The following CDC42BPB variants were observed in gnomAD, a reference collection of about 807,000 sequenced individuals.
The protein encoded by CDC42BPB is CDC42 binding protein kinase beta.
A neutral mutation model predicts 214.9 loss-of-function variants in CDC42BPB; 37 were observed. The observed-to-expected ratio is 0.17, with a 90% CI of 0.13 to 0.23. CDC42BPB has a LOEUF of 0.23. Ranked by LOEUF, CDC42BPB falls within the 10% of genes least tolerant of loss-of-function variation. The probability of loss-of-function intolerance (pLI) is 1.00; values close to 1 mark genes in which losing one functional copy is unlikely to be tolerated. For missense variants in CDC42BPB, 1,694 were observed against 2,227.0 expected (o/e 0.76, Z 4.82); for synonymous variants, 931 against 884.0 (o/e 1.05, Z -0.94).
chr14:103,021,962 G>A (rs1293341602), intron 1 of CDC42BPB, among the ~76,000 whole-genome samples: 1 of 152,188 alleles, frequency 6.6e-6, no homozygotes, highest in Non-Finnish European at 1.5e-5. Flanking sequence ...TTGCCTGCAT[G>A]GGAAGGCTGA....
At chr14:102,951,651 T>A (rs34149371) in intron 24 of CDC42BPB, among the ~76,000 whole-genome samples, 1 of 152,170 alleles carries the variant, frequency 6.6e-6, no homozygotes, top group East Asian at 1.9e-4. Context: ...TAGCCAGGCA[T>A]GGTGGCGTGG....
chr14:102,981,871 T>C (rs953976327), intron 7 of CDC42BPB, among the ~76,000 whole-genome samples: 1 of 152,142 alleles, frequency 6.6e-6, no homozygotes, highest in Non-Finnish European at 1.5e-5. Flanking sequence ...ACTGTTGATA[T>C]GTAACATGAT....
chr14:103,027,251 T>C (rs1310075668), intron 1 of CDC42BPB, among the ~76,000 whole-genome samples: 1 of 152,232 alleles, frequency 6.6e-6, no homozygotes, highest in Non-Finnish European at 1.5e-5. Flanking sequence ...TGTAAAATGA[T>C]GTAGCCTGGC....
intron 1 of CDC42BPB, among the ~76,000 whole-genome samples, chr14:103,020,576 T>G (rs1824351714): frequency 6.6e-6 from 1 of 152,168 alleles, no homozygotes; most frequent in Non-Finnish European, 1.5e-5. Flanking sequence ...GCGCTATGCA[T>G]CCGGACCTCC....
chr14:102,953,053 G>A (rs1001752479), intron 23 of CDC42BPB, among the ~76,000 whole-genome samples: 5 of 152,240 alleles, frequency 3.3e-5, no homozygotes, highest in Non-Finnish European at 5.9e-5. Flanking sequence ...AACAGCAAAC[G>A]CCTGGAAAGG....
chr14:103,002,439 C>CA (rs1462112182), intron 4 of CDC42BPB, among the ~76,000 whole-genome samples: 26 of 152,220 alleles, frequency 1.7e-4, no homozygotes, highest in African/African-American at 5.5e-4. Flanking sequence ...CAGATGGCAG[C>CA]ACGCTATGCT....
intron 12 of CDC42BPB, among the ~76,000 whole-genome samples, chr14:102,973,400 A>G (rs1466310572): frequency 6.6e-6 from 1 of 152,272 alleles, no homozygotes; most frequent in East Asian, 1.9e-4. Flanking sequence ...TGTTAGTAAC[A>G]TGCTGACACC....
intron 21 of CDC42BPB, among the ~76,000 whole-genome samples, chr14:102,958,093 C>G (rs1277339600): frequency 6.6e-6 from 1 of 152,192 alleles, no homozygotes; most frequent in Non-Finnish European, 1.5e-5. Context: ...AGACTAAATG[C>G]GATTCATGAC....
At chr14:102,934,141 A>C in intron 36 of CDC42BPB, 1 of 646,972 alleles carries the variant, frequency 1.5e-6, no homozygotes, top group African/African-American at 2.0e-5. Context: ...TCCTGCCTGT[A>C]ATCCCAGCAC....
intron 1 of CDC42BPB, among the ~76,000 whole-genome samples, chr14:103,049,004 T>C (rs771682539): frequency 3.9e-5 from 6 of 152,206 alleles, no homozygotes; most frequent in African/African-American, 7.2e-5. Context: ...GACAGTTACC[T>C]AACAATAAGA....
chr14:103,034,568 C>CT lies in CDC42BPB; in HGVS notation c.176-22381dup, dbSNP rs534081589. Among the ~76,000 whole-genome samples the CT allele has an allele frequency of 1.6e-4, 25 of 152,248 alleles. 1 individual carries two copies. In the Middle Eastern group the frequency reaches 0.01, roughly 62 times the overall value. On this transcript the variant is annotated intron_variant, in intron 1 of 36. Coordinates refer to ENST00000361246, the MANE Select transcript of CDC42BPB (RefSeq NM_006035.4). ...GTGGCTCATGCCTGCAATCCCAACACTTTGGGAGGCTGAGGCAGGTGGCTC... is the reference window on the plus strand; with the variant it reads ...GTGGCTCATGCCTGCAATCCCAACACTTTTGGGAGGCTGAGGCAGGTGGCTC...
At chr14:102,990,309 G>A (rs940410081) in intron 5 of CDC42BPB, among the ~76,000 whole-genome samples, 1 of 152,210 alleles carries the variant, frequency 6.6e-6, no homozygotes. Flanking sequence ...AATTACTGCA[G>A]GTGAGGGGTG....
Position 102,974,071 on chromosome 14 carries a change from C to A in CDC42BPB, c.1586G>T (p.Arg529Leu). 1.2e-6 allele frequency: 2 copies of A among 1,613,922 alleles called. No individual in the cohort carries two copies. The highest frequency in any genetic ancestry group is 1.7e-6 in the Non-Finnish European group (2 of 1,179,890). Residue 529 changes from arginine to leucine, a missense_variant, in exon 12 of 37, where the codon CGG (arginine) becomes CTG (leucine). Coordinates refer to ENST00000361246, the MANE Select transcript of CDC42BPB (RefSeq NM_006035.4). ...CACGCGGTGCTGCTTCTCCAGCCCCCGCAGCCGCTGCGTGGAGTCCTCACG... is the reference window on the plus strand; with the variant it reads ...CACGCGGTGCTGCTTCTCCAGCCCCAGCAGCCGCTGCGTGGAGTCCTCACG... ...QEREDSTQRL[R>L]GLEKQHRVVR...
At chr14:103,043,779 T>C (rs1888139333) in intron 1 of CDC42BPB, among the ~76,000 whole-genome samples, 1 of 152,106 alleles carries the variant, frequency 6.6e-6, no homozygotes, top group African/African-American at 2.4e-5. Flanking sequence ...AACTTAAATT[T>C]CTCTATATTG....
At chr14:102,972,790 G>T (rs1488753391) in intron 12 of CDC42BPB, among the ~76,000 whole-genome samples, 1 of 142,510 alleles carries the variant, frequency 7.0e-6, no homozygotes, top group East Asian at 2.2e-4. Flanking sequence ...AGGACGCTCC[G>T]TAATGTCAGC....
intron 1 of CDC42BPB, among the ~76,000 whole-genome samples, chr14:103,053,536 CAG>C (rs1888739955): frequency 5.3e-5 from 8 of 151,480 alleles, no homozygotes; most frequent in Admixed American, 2.0e-4. Context: ...CCAAGGGGGG[CAG>C]ATCACGAGGT....
At chr14:102,981,302 G>A (rs573392362) in intron 7 of CDC42BPB, 5 of 524,662 alleles carry the variant, frequency 9.5e-6, no homozygotes, top group African/African-American at 4.1e-5. Flanking sequence ...CATGCCGTGC[G>A]CGGGAAGAGG....
At chr14:102,986,153 G>A (rs1437036724) in intron 6 of CDC42BPB, 2 of 277,128 alleles carry the variant, frequency 7.2e-6, no homozygotes, top group African/African-American at 4.5e-5. Flanking sequence ...AGCCTGGACA[G>A]GGCCCTTTAA....
chr14:103,023,193 A>C (rs1048216939), intron 1 of CDC42BPB, among the ~76,000 whole-genome samples: 2 of 131,014 alleles, frequency 1.5e-5, no homozygotes, highest in Non-Finnish European at 3.2e-5. Flanking sequence ...TTTGAGATGG[A>C]GTCTCACTCC....
Sources: allele counts gnomAD v4.1 joint callset (sites outside exome capture counted in the v4.1 genomes callset), GRCh38; gene constraint gnomAD v4.1.1; transcripts MANE v1.5; gene names NCBI Gene and HGNC (gene_info 2026-07-23, HGNC 2026-07-21).